Variants in PDZD2 observed in about 807,000 individuals in gnomAD.
PDZD2 encodes PDZ domain-containing protein 2.
Under a neutral mutation model 220.7 loss-of-function variants are expected in PDZD2, and 90 were observed. The ratio of observed to expected loss-of-function variants is 0.41; its 90% CI spans 0.34 to 0.49. The LOEUF (loss-of-function observed/expected upper bound fraction) is 0.49. PDZD2 is among the 20% of genes least tolerant of loss of function. PDZD2 has a pLI of 0.28. For missense variants in PDZD2, 3,174 were observed against 3,608.5 expected, an observed-to-expected ratio of 0.88 and a Z score of 3.08; for synonymous variants, 1,375 against 1,450.5, an observed-to-expected ratio of 0.95 and a Z score of 1.18.
intron 2 of PDZD2, among the ~76,000 whole-genome samples, chr5:31,884,227 G>A (rs1039600660): frequency 6.8e-6 from 1 of 147,488 alleles, no homozygotes; most frequent in African/African-American, 2.5e-5. Context: ...ATAACTGCAT[G>A]CATGCATACA....
intron 6 of PDZD2, among the ~76,000 whole-genome samples, chr5:32,013,307 A>G (rs903924713): frequency 2.7e-5 from 4 of 146,952 alleles, no homozygotes; most frequent in Non-Finnish European, 4.5e-5. Flanking sequence ...TTGCTCCTAT[A>G]TCTCTCTGTG....
intron 1 of PDZD2, among the ~76,000 whole-genome samples, chr5:31,686,890 T>C (rs904207235): frequency 1.3e-5 from 2 of 152,224 alleles, no homozygotes; most frequent in African/African-American, 4.8e-5. Flanking sequence ...TCCTAGGCTT[T>C]TCATACCTCT....
Position 31,899,357 on chromosome 5 carries a change from G to A in PDZD2, c.477-83798G>A, listed in dbSNP as rs567102741. Among the ~76,000 whole-genome samples the A allele has an allele frequency of 1.5e-4, 23 of 152,036 alleles. No individual in the cohort carries two copies. The South Asian group carries it at 2.1e-3, about 14-fold the overall frequency. On this transcript the variant is annotated intron_variant, in intron 2 of 24. Coordinates refer to ENST00000438447, the MANE Select transcript of PDZD2 (RefSeq NM_178140.4). ...CATGTTGACCAGGCTGGTCTCGAAC[G>A]CCTGACCGCAAGTGATCCGCCCACC...
At chr5:31,962,638 C>T (rs537334935) in intron 2 of PDZD2, among the ~76,000 whole-genome samples, 5 of 152,270 alleles carry the variant, frequency 3.3e-5, no homozygotes, top group African/African-American at 1.2e-4. Flanking sequence ...ACTGCTGCCA[C>T]CCGCATAAAG....
chr5:31,726,830 T>C (rs560996021), intron 1 of PDZD2, among the ~76,000 whole-genome samples: 1 of 152,312 alleles, frequency 6.6e-6, no homozygotes, highest in Non-Finnish European at 1.5e-5. Context: ...GTCCCATTGC[T>C]ATAAAGAAAT....
chr5:31,778,626 G>A (rs932917068), intron 1 of PDZD2, among the ~76,000 whole-genome samples: 1 of 152,094 alleles, frequency 6.6e-6, no homozygotes, highest in Non-Finnish European at 1.5e-5. Context: ...CTCCGAACAC[G>A]TCCGAACGTC....
At chr5:31,694,406 A>T (rs375839333) in intron 1 of PDZD2, among the ~76,000 whole-genome samples, 1 of 128,210 alleles carries the variant, frequency 7.8e-6, no homozygotes, top group Non-Finnish European at 1.8e-5. Flanking sequence ...AACAAACAAA[A>T]AAACAAAAAA....
chr5:32,040,120 C>T lies in PDZD2; in HGVS notation c.1519+2778C>T, dbSNP rs1399122083. Among the ~76,000 whole-genome samples, 5 of 147,848 alleles carry T rather than the reference C, an allele frequency of 3.4e-5. No homozygotes were observed. The East Asian group carries it at 1.0e-3, about 31-fold the overall frequency. The stretch of plus-strand genomic sequence containing the variant: ...CACCCCATCTGGGAAATGAGGAGCA[C>T]CTCTGCCTGGCCGCCCAGTCTAGGA... On this transcript the variant is annotated intron_variant, in intron 7 of 24. Transcript: ENST00000438447.
intron 2 of PDZD2, chr5:31,822,661 G>T: frequency 1.5e-6 from 2 of 1,329,468 alleles, no homozygotes; most frequent in Non-Finnish European, 1.0e-6. Flanking sequence ...CTGAATCAAA[G>T]CCACTGAATT....
At chr5:31,822,978 C>CTT in intron 2 of PDZD2, 1 of 1,154,418 alleles carries the variant, frequency 8.7e-7, no homozygotes, top group Non-Finnish European at 1.2e-6. Context: ...CCCGGGGCCT[C>CTT]TTTTTTTTCT....
At chr5:31,967,357 G>GTTA (rs1748851752) in intron 2 of PDZD2, among the ~76,000 whole-genome samples, 1 of 152,170 alleles carries the variant, frequency 6.6e-6, no homozygotes, top group South Asian at 2.1e-4. Flanking sequence ...GAGAGTGGCC[G>GTTA]CCTTTTGGAT....
chr5:31,703,549 G>T (rs557867961), intron 1 of PDZD2, among the ~76,000 whole-genome samples: 1 of 152,088 alleles, frequency 6.6e-6, no homozygotes, highest in Non-Finnish European at 1.5e-5. Context: ...CCTAGATGAC[G>T]GGTTGATGGG....
chr5:31,983,232 C>T lies in PDZD2; in HGVS notation c.554C>T (p.Ser185Phe). 1.2e-6 allele frequency: 2 copies of T among 1,614,178 alleles called. No individual in the cohort carries two copies. Among genetic ancestry groups the T allele is most frequent in the East Asian group, 2.2e-5 (1 of 44,884 alleles). Residue 185 changes from serine to phenylalanine, a missense_variant, in exon 3 of 25, where the codon TCC becomes TTC. Around this residue, in one of 4 missense-constraint regions of PDZD2, gnomAD observed 632 missense variants for 708.1 expected, o/e 0.89. Coordinates refer to ENST00000438447, the MANE Select transcript of PDZD2 (RefSeq NM_178140.4). ...CGTCGCTTTAAGCACAAAGCCCACTCCACTTATAATGGCAACAGTAGCAAC... is the reference window on the plus strand; with the variant it reads ...CGTCGCTTTAAGCACAAAGCCCACTTCACTTATAATGGCAACAGTAGCAAC... ...MLRRFKHKAHSTYNGNSSNSS... is the reference protein window; with the variant it reads ...MLRRFKHKAHFTYNGNSSNSS...
intron 2 of PDZD2, among the ~76,000 whole-genome samples, chr5:31,912,417 C>T (rs375773107): frequency 1.3e-5 from 2 of 152,096 alleles, no homozygotes; most frequent in East Asian, 3.9e-4. Flanking sequence ...GATGGGCCTC[C>T]CAAAATTTGT....
intron 2 of PDZD2, among the ~76,000 whole-genome samples, chr5:31,969,529 A>C (rs909750050): frequency 6.9e-6 from 1 of 144,886 alleles, no homozygotes; most frequent in East Asian, 2.0e-4. Context: ...AAAAAAAAAA[A>C]AAAAAACAAT....
chr5:32,069,263 C>CAA (rs11361686), intron 14 of PDZD2, among the ~76,000 whole-genome samples: 22 of 99,282 alleles, frequency 2.2e-4, no homozygotes, highest in Admixed American at 4.4e-4. Flanking sequence ...GACTCTGTCT[C>CAA]AAAAAAAAAA....
chr5:32,097,461 C>A, intron 22 of PDZD2, 81 bp downstream of exon 22: 1 of 833,518 alleles, frequency 1.2e-6, no homozygotes, highest in Non-Finnish European at 2.1e-6. Flanking sequence ...AAATTCCAAT[C>A]AGCGGGTTCA....
chr5:31,798,347 G>A (rs1383446108), intron 1 of PDZD2, among the ~76,000 whole-genome samples: 1 of 152,228 alleles, frequency 6.6e-6, no homozygotes, highest in Non-Finnish European at 1.5e-5. Context: ...GGATGGCGAA[G>A]TTTAGGAATG....
At chr5:31,709,870 C>T (rs1276895811) in intron 1 of PDZD2, among the ~76,000 whole-genome samples, 2 of 152,166 alleles carry the variant, frequency 1.3e-5, no homozygotes, top group African/African-American at 2.4e-5. Context: ...GCAGGAAAAT[C>T]GCTTGAACCT....
Sources: gnomAD v4.1 joint callset for allele counts (sites outside exome capture counted in the v4.1 genomes callset) on GRCh38, gnomAD v4.1.1 for gene constraint, gnomAD v4.1.1 regional missense constraint, MANE v1.5 for transcripts, NCBI Gene and HGNC (gene_info 2026-07-23, HGNC 2026-07-21) for gene names.